GTF2F2: variants seen among roughly 807,000 people sequenced by gnomAD.
GTF2F2 encodes the protein ATP-dependent helicase GTF2F2.
A neutral mutation model predicts 42.2 loss-of-function variants in GTF2F2; 23 were observed. That is an observed-to-expected ratio of 0.55 (90% confidence interval 0.39 to 0.77). The LOEUF (loss-of-function observed/expected upper bound fraction) is 0.77. Ranked by LOEUF, GTF2F2 falls within the 30% of genes least tolerant of loss-of-function variation. GTF2F2 has a pLI of 0.00. For missense variants in GTF2F2, 261 were observed against 287.2 expected, an observed-to-expected ratio of 0.91 and a Z score of 0.66; for synonymous variants, 105 against 100.8, an observed-to-expected ratio of 1.04 and a Z score of -0.25.
chr13:45,259,722 A>G (rs1298421073), intron 6 of GTF2F2, among the ~76,000 whole-genome samples: 1 of 129,690 alleles, frequency 7.7e-6, no homozygotes, highest in African/African-American at 3.0e-5. Context: ...CAGTGGCACA[A>G]TCTCGGCTCA....
At chr13:45,212,459 C>T (rs986568806) in intron 5 of GTF2F2, among the ~76,000 whole-genome samples, 1 of 79,290 alleles carries the variant, frequency 1.3e-5, no homozygotes. Context: ...TTCTTTCTTT[C>T]TTTCTTTCTT....
At chr13:45,256,288 T>A (rs59118444) in intron 6 of GTF2F2, among the ~76,000 whole-genome samples, 1,804 of 152,290 alleles carry the variant, frequency 0.012, 29 homozygotes, top group African/African-American at 0.037. Context: ...CCTTACTGAT[T>A]GTCTAAGATT....
intron 4 of GTF2F2, among the ~76,000 whole-genome samples, chr13:45,182,403 C>T (rs1274982515): frequency 6.6e-6 from 1 of 152,046 alleles, no homozygotes; most frequent in African/African-American, 2.4e-5. Context: ...GGCCACTTTC[C>T]CAATGTTCTT....
intron 1 of GTF2F2, among the ~76,000 whole-genome samples, chr13:45,130,075 G>A (rs1869256207): frequency 6.6e-6 from 1 of 152,232 alleles, no homozygotes; most frequent in African/African-American, 2.4e-5. Flanking sequence ...GAAGATATGG[G>A]ATAGGATCAT....
At chr13:45,154,064 G>T (rs903950538) in intron 4 of GTF2F2, among the ~76,000 whole-genome samples, 1 of 150,080 alleles carries the variant, frequency 6.7e-6, no homozygotes, top group Admixed American at 6.6e-5. Context: ...AATAAGATCT[G>T]TTGAACGTGT....
intron 6 of GTF2F2, among the ~76,000 whole-genome samples, chr13:45,257,449 CTG>C (rs1876149434): frequency 6.6e-6 from 1 of 152,102 alleles, no homozygotes; most frequent in Non-Finnish European, 1.5e-5. Context: ...AAAAAGGATT[CTG>C]TGTTTAAAAA....
intron 5 of GTF2F2, among the ~76,000 whole-genome samples, chr13:45,245,831 C>T (rs752632959): frequency 2.7e-4 from 39 of 145,062 alleles, no homozygotes; most frequent in Non-Finnish European, 4.8e-4. Flanking sequence ...GTCCCAGCTA[C>T]TCGGGAGGCT....
chr13:45,162,980 C>A (rs1024899804), intron 4 of GTF2F2, among the ~76,000 whole-genome samples: 1 of 138,728 alleles, frequency 7.2e-6, no homozygotes, highest in South Asian at 2.4e-4. Context: ...CTGGAGTTGG[C>A]GTGTATTATT....
At chr13:45,178,895 G>C (rs1467650564) in intron 4 of GTF2F2, among the ~76,000 whole-genome samples, 1 of 152,190 alleles carries the variant, frequency 6.6e-6, no homozygotes, top group East Asian at 1.9e-4. Context: ...GGGTTGGCTA[G>C]GGTGCAGTGT....
At chr13:45,182,246 G>A (rs931530150) in intron 4 of GTF2F2, among the ~76,000 whole-genome samples, 2 of 152,044 alleles carry the variant, frequency 1.3e-5, no homozygotes, top group Admixed American at 6.6e-5. Flanking sequence ...TGCCTCCCGG[G>A]CTCAAGCAAT....
intron 4 of GTF2F2, among the ~76,000 whole-genome samples, chr13:45,198,404 T>C (rs1163407288): frequency 6.6e-6 from 1 of 152,206 alleles, no homozygotes. Flanking sequence ...GACTGGAAGA[T>C]ACAAAAAGTA....
chr13:45,176,468 T>G (rs1282957026), intron 4 of GTF2F2, among the ~76,000 whole-genome samples: 1 of 152,200 alleles, frequency 6.6e-6, no homozygotes, highest in Non-Finnish European at 1.5e-5. Flanking sequence ...AGATTTCTTG[T>G]CCATTTTTTA....
chr13:45,167,026 G>A (rs1387792221), intron 4 of GTF2F2, among the ~76,000 whole-genome samples: 3 of 151,646 alleles, frequency 2.0e-5, no homozygotes, highest in African/African-American at 4.8e-5. Flanking sequence ...GCCCAGAAGC[G>A]AAACTCTGGT....
intron 6 of GTF2F2, among the ~76,000 whole-genome samples, chr13:45,264,739 T>A (rs1876494063): frequency 6.6e-6 from 1 of 152,238 alleles, no homozygotes; most frequent in Non-Finnish European, 1.5e-5. Context: ...GCATCTGACA[T>A]GTGACTCTGG....
intron 1 of GTF2F2, chr13:45,124,082 C>A: frequency 1.1e-6 from 1 of 916,850 alleles, no homozygotes; most frequent in Non-Finnish European, 1.8e-6. Context: ...ATTGTCTTAC[C>A]AGGAAATGAA....
intron 1 of GTF2F2, among the ~76,000 whole-genome samples, chr13:45,127,928 G>C (rs1201511027): frequency 8.1e-6 from 1 of 123,934 alleles, no homozygotes; most frequent in African/African-American, 3.2e-5. Context: ...ACTGTGCCTG[G>C]CACCCCGGCC....
chr13:45,218,914 G>A (rs188189433), intron 5 of GTF2F2, among the ~76,000 whole-genome samples: 46 of 152,254 alleles, frequency 3.0e-4, no homozygotes, highest in Admixed American at 2.5e-3. Context: ...TATCTGTCTT[G>A]CTTGAGACTG....
chr13:45,198,011 TTCCTAC>T (rs1593486105), intron 4 of GTF2F2, among the ~76,000 whole-genome samples: 2 of 152,262 alleles, frequency 1.3e-5, no homozygotes, highest in Non-Finnish European at 2.9e-5. Context: ...GGGGTCCTGT[TTCCTAC>T]TCAGTACCTT....
chr13:45,209,482 T>C (rs184173075), intron 5 of GTF2F2, among the ~76,000 whole-genome samples: 39 of 152,322 alleles, frequency 2.6e-4, no homozygotes, highest in African/African-American at 7.7e-4. Context: ...TTCAGGAGGA[T>C]CATGTGAGTT....
Sources: gnomAD v4.1 joint callset for allele counts (sites outside exome capture counted in the v4.1 genomes callset) on GRCh38, gnomAD v4.1.1 for gene constraint, MANE v1.5 for transcripts, NCBI Gene and HGNC (gene_info 2026-07-23, HGNC 2026-07-21) for gene names.